ABCA4: variants seen among roughly 807,000 people sequenced by gnomAD.
ABCA4 encodes the protein retinal-specific phospholipid-transporting ATPase ABCA4.
Under a neutral mutation model 263.7 loss-of-function variants are expected in ABCA4, and 196 were observed. The ratio of observed to expected loss-of-function variants is 0.74; its 90% CI spans 0.66 to 0.84. ABCA4 has a LOEUF of 0.84. ABCA4 is among the 40% of genes least tolerant of loss of function. ABCA4 has a pLI of 0.00. For missense variants in ABCA4, 2,792 were observed against 2,855.1 expected (o/e 0.98, Z 0.50); for synonymous variants, 1,133 against 1,094.2 (o/e 1.04, Z -0.70).
chr1:93,998,036 A>G lies in ABCA4; in HGVS notation c.6554T>C (p.Val2185Ala). ...KDDLLPDLNP[V>A]EQFFQGNFPG... Reference sequence around the variant, plus strand: ...GAAGTTCCCCTGGAAGAACTGCTCCACAGGGTTCAGGTCAGGAAGCAGGTC... The same window carrying G: ...GAAGTTCCCCTGGAAGAACTGCTCCGCAGGGTTCAGGTCAGGAAGCAGGTC... Residue 2185 changes from valine (V) to alanine (A), a missense_variant, in exon 48 of 50, where the codon GTG (valine) becomes GCG (alanine). By Grantham distance (64) the Val-to-Ala change is moderately conservative. Coordinates refer to ENST00000370225, the MANE Select transcript of ABCA4 (RefSeq NM_000350.3). The G allele has an allele frequency of 6.2e-7, 1 of 1,614,198 alleles. No individual in the cohort carries two copies. Among genetic ancestry groups the G allele is most frequent in the East Asian group, 2.2e-5 (1 of 44,876 alleles).
chr1:94,000,549 T>G (rs1659145123), intron 47 of ABCA4, among the ~76,000 whole-genome samples: 1 of 152,184 alleles, frequency 6.6e-6, no homozygotes, highest in Non-Finnish European at 1.5e-5. Context: ...GAGGCAGTGG[T>G]AGCAGCCCTC....
chr1:94,099,023 C>T, intron 5 of ABCA4, 32 bp from the exon 6 acceptor site: 1 of 1,587,458 alleles, frequency 6.3e-7, no homozygotes, highest in Non-Finnish European at 8.5e-7. Flanking sequence ...CTAGAAACTG[C>T]CCTGTGGTAG....
At chr1:94,059,074 G>A (rs957065833) in intron 14 of ABCA4, among the ~76,000 whole-genome samples, 1 of 152,222 alleles carries the variant, frequency 6.6e-6, no homozygotes, top group Non-Finnish European at 1.5e-5. Context: ...CATCGTAAAA[G>A]CTTTGAAGAC....
At chr1:94,033,186 A>C (rs1184332392) in intron 26 of ABCA4, among the ~76,000 whole-genome samples, 1 of 152,112 alleles carries the variant, frequency 6.6e-6, no homozygotes. Flanking sequence ...TTGGGAGGCC[A>C]AGCCAGGAGG....
chr1:94,111,372 G>A, intron 3 of ABCA4, 66 bp downstream of exon 3: 6 of 1,587,256 alleles, frequency 3.8e-6, no homozygotes, highest in Non-Finnish European at 5.2e-6. Flanking sequence ...GCACGCACGT[G>A]TGCATTTCAG....
At chr1:94,036,261 C>T (rs767152230) in intron 26 of ABCA4, among the ~76,000 whole-genome samples, 12 of 150,912 alleles carry the variant, frequency 8.0e-5, no homozygotes, top group Non-Finnish European at 1.5e-4. Flanking sequence ...AGACCTAACT[C>T]AGTCTGTTAT....
intron 11 of ABCA4, among the ~76,000 whole-genome samples, chr1:94,070,530 G>A (rs113690079): frequency 4.9e-4 from 74 of 152,240 alleles, no homozygotes; most frequent in African/African-American, 1.1e-3. Flanking sequence ...ATTTATGAGC[G>A]TCTATTCTAT....
chr1:94,116,526 T>C (rs763423746), intron 1 of ABCA4, among the ~76,000 whole-genome samples: 1 of 152,074 alleles, frequency 6.6e-6, no homozygotes, highest in Non-Finnish European at 1.5e-5. Flanking sequence ...GAGGTCACTG[T>C]TGTTCTAACT....
At chr1:94,064,195 T>A (rs541794226) in intron 11 of ABCA4, among the ~76,000 whole-genome samples, 19 of 152,344 alleles carry the variant, frequency 1.2e-4, no homozygotes, top group African/African-American at 4.6e-4. Flanking sequence ...GAATCTGCAA[T>A]GTGCCAGAGC....
chr1:94,111,370 G>A lies in ABCA4; in HGVS notation c.302+68C>T, dbSNP rs761188244. ...AGTGCTCCATGCTCCGTGCACGCAC[G>A]TGTGCATTTCAGCACGTGAAGGGGT... On this transcript the variant is annotated intron_variant, in intron 3 of 49. Transcript: ENST00000370225. The A allele has an allele frequency of 8.2e-5, 130 of 1,581,756 alleles. No individual in the cohort carries two copies. Among genetic ancestry groups the A allele is most frequent in the Non-Finnish European group, 9.1e-5 (105 of 1,155,230 alleles).
rs541878050 is a variant in ABCA4 at position 94,014,965 on chromosome 1, T to A, written c.5313-275A>T. ...CTGTAAACTACAAAGCCCTGTACAA[T>A]TCATAGGAGGGTTCTCCAGCCTGCA... On this transcript the variant is annotated intron_variant, in intron 37 of 49. Coordinates refer to ENST00000370225, the MANE Select transcript of ABCA4 (RefSeq NM_000350.3). Among the ~76,000 whole-genome samples the A allele has an allele frequency of 2.0e-5, 3 of 152,250 alleles. No individual in the cohort carries two copies. In the East Asian group the frequency reaches 5.8e-4, roughly 29 times the overall value.
At chr1:94,033,852 G>A (rs772388123) in intron 26 of ABCA4, among the ~76,000 whole-genome samples, 4 of 152,116 alleles carry the variant, frequency 2.6e-5, no homozygotes, top group Non-Finnish European at 5.9e-5. Context: ...CTCCTGATCC[G>A]GGCTCAGATT....
At chr1:94,044,067 T>G (rs1349980888) in intron 20 of ABCA4, among the ~76,000 whole-genome samples, 1 of 14,354 alleles carries the variant, frequency 7.0e-5, no homozygotes, top group African/African-American at 8.2e-5. Flanking sequence ...CCTCCCTCGC[T>G]TCCTTCTCCC....
At chr1:94,005,604 C>T (rs1659357531) in intron 43 of ABCA4, 22 bp from the exon 44 acceptor site, 2 of 1,612,110 alleles carry the variant, frequency 1.2e-6, no homozygotes, top group East Asian at 2.2e-5. Flanking sequence ...AAAGCAATTA[C>T]TGAGTATCCT....
At chr1:94,014,282 G>GAAGGAAGGAAGGAAGCAATGAAA (rs1659656904) in intron 38 of ABCA4, among the ~76,000 whole-genome samples, 1 of 149,412 alleles carries the variant, frequency 6.7e-6, no homozygotes, top group East Asian at 2.0e-4. Context: ...AAGGAGGGAC[G>GAAGGAAGGAAGGAAGCAATGAAA]AAGGAAGGAA....
intron 19 of ABCA4, among the ~76,000 whole-genome samples, chr1:94,046,520 T>C (rs908513407): frequency 6.7e-6 from 1 of 148,902 alleles, no homozygotes; most frequent in Non-Finnish European, 1.5e-5. Context: ...ATAGCTTCCA[T>C]GCACATGATG....
At chr1:94,111,218 T>G (rs933040333) in intron 3 of ABCA4, among the ~76,000 whole-genome samples, 28 of 152,086 alleles carry the variant, frequency 1.8e-4, no homozygotes, top group African/African-American at 6.8e-4. Context: ...GACCAAGAAA[T>G]TTTGTGCACG....
chr1:94,115,699 A>C (rs750892678), intron 1 of ABCA4, among the ~76,000 whole-genome samples: 1 of 152,218 alleles, frequency 6.6e-6, no homozygotes, highest in African/African-American at 2.4e-5. Flanking sequence ...ATATGGCATG[A>C]GGTAACACTC....
intron 22 of ABCA4, 145 bp from the exon 23 acceptor site, chr1:94,041,547 C>A: frequency 2.5e-6 from 2 of 788,784 alleles, no homozygotes; most frequent in Admixed American, 2.3e-5. Flanking sequence ...AATTCAGCAG[C>A]AAATTCCAGC....
Sources: allele counts gnomAD v4.1 joint callset (sites outside exome capture counted in the v4.1 genomes callset), GRCh38; gene constraint gnomAD v4.1.1; transcripts MANE v1.5; gene names NCBI Gene and HGNC (gene_info 2026-07-23, HGNC 2026-07-21).